The following KIF1B variants were observed in gnomAD, a reference collection of about 807,000 sequenced individuals.
The protein encoded by KIF1B is kinesin-like protein KIF1B.
Under a neutral mutation model 241.9 loss-of-function variants are expected in KIF1B, and 76 were observed. The observed-to-expected ratio is 0.31, with a 90% CI of 0.26 to 0.38. The LOEUF (loss-of-function observed/expected upper bound fraction) is 0.38, where lower values mean the gene tolerates loss of function less well. KIF1B is among the 10% of genes least tolerant of loss of function. The pLI is 1.00. For missense variants in KIF1B, 1,622 were observed against 2,271.4 expected (o/e 0.71, Z 5.81); for synonymous variants, 750 against 796.7 (o/e 0.94, Z 0.99).
At position 10,307,320 on chromosome 1, in the gene KIF1B, T is replaced by C. The variant is rs544161583; in HGVS notation, c.2115+10074T>C. 4 of 1,006,978 alleles carry C rather than the reference T, an allele frequency of 4.0e-6. No homozygotes were observed. The East Asian group carries it at 2.1e-4, about 52-fold the overall frequency. The allele number at this position is 1,006,978 out of a possible 1,614,324, so 62.4% of individuals were successfully genotyped here. A position where few individuals can be genotyped will look rare whatever the true frequency, so the allele number is the denominator to read the frequency against. ...ATTACTTTGTTTTTTGTTTTTGTTA[T>C]TGTTGTTTTGTGATAGTCTTGCTCT... On this transcript the variant is annotated intron_variant, in intron 22 of 48. Coordinates refer to ENST00000676179, the MANE Select transcript of KIF1B (RefSeq NM_001365951.3).
At position 10,361,696 on chromosome 1, in the gene KIF1B, A is replaced by C; in HGVS notation, c.4175A>C (p.Asp1392Ala). ...YMTLSAYLEL[D>A]HCIQPAVITK... is the part of the protein sequence containing the mutation. ...ACCTACCCTGTCTGCTTTCAGCTGG[A>C]TCATTGCATCCAGCCGGCTGTCATC... The change falls in exon 40 of 49, where the codon GAT (aspartate) becomes GCT (alanine). Residue 1392 changes from aspartate to alanine, a missense_variant. This residue lies in a region of KIF1B where 803 missense variants were observed against 1,112.0 expected (regional missense o/e 0.72). Coordinates refer to ENST00000676179, the MANE Select transcript of KIF1B (RefSeq NM_001365951.3). 6.2e-7 allele frequency: 1 copy of C among 1,613,864 alleles called. No homozygotes were observed. Among genetic ancestry groups the C allele is most frequent in the Non-Finnish European group, 8.5e-7 (1 of 1,180,026 alleles).
In KIF1B at chr1:10,337,994, A is replaced by G. The variant is rs569205180; in HGVS notation, c.3422+461A>G. Among the ~76,000 whole-genome samples the G allele has an allele frequency of 6.6e-6, 1 of 152,360 alleles. No homozygotes were observed. Among genetic ancestry groups the G allele is most frequent in the African/African-American group, 2.4e-5 (1 of 41,588 alleles). On this transcript the variant is annotated intron_variant, in intron 31 of 48. Coordinates refer to ENST00000676179, the MANE Select transcript of KIF1B (RefSeq NM_001365951.3). This position sits in a 1 kb window ranked among gnomAD's most constrained non-coding sequence, Gnocchi z 4.0. ...ACTGAAAAAAGCTAGTATGTAGGGA[A>G]GATGTGATACCTCTCATTTCTCATC... is the stretch of plus-strand genomic sequence containing the variant.
chr1:10,213,757 A>G lies in KIF1B; in HGVS notation c.-80+2879A>G, dbSNP rs113050274. Among the ~76,000 whole-genome samples the G allele has an allele frequency of 5.7e-3, 862 of 152,320 alleles. 11 individuals are homozygous for G. Among genetic ancestry groups the G allele is most frequent in the African/African-American group, 0.019 (802 of 41,562 alleles). ...ATTCTGTGAAACAGTGTGAATAAATATGCATACTTCTTGAACTTTTTTTGT... is the reference window on the plus strand; with the variant it reads ...ATTCTGTGAAACAGTGTGAATAAATGTGCATACTTCTTGAACTTTTTTTGT... On this transcript the variant is annotated intron_variant, in intron 1 of 48. Coordinates refer to ENST00000676179, the MANE Select transcript of KIF1B (RefSeq NM_001365951.3).
rs1639010314 is a variant in KIF1B at position 10,381,073 on chromosome 1, G to A, written c.*4486G>A. 4.5e-6 allele frequency: 1 copy of A among 223,250 alleles called. No individual in the cohort carries two copies. The highest frequency in any genetic ancestry group is 2.2e-5 in the African/African-American group (1 of 44,754). The allele number at this position is 223,250 out of a possible 1,614,324, so 13.8% of individuals were successfully genotyped here. A position where few individuals can be genotyped will look rare whatever the true frequency, so the allele number is the denominator to read the frequency against. On this transcript the variant is annotated 3_prime_UTR_variant, in exon 49 of 49. Coordinates refer to ENST00000676179, the MANE Select transcript of KIF1B (RefSeq NM_001365951.3). The stretch of plus-strand genomic sequence containing the variant: ...CAGATGGAAAGTCTGAGCTGAGGTT[G>A]GTCTCTTGCCAAACCGTGGCTGTTG...
rs1314929841 is a variant in KIF1B, at chr1:10,303,622, A to G, written c.2115+6376A>G. 1.9e-6 allele frequency: 3 copies of G among 1,614,134 alleles called. No homozygotes were observed. The highest frequency in any genetic ancestry group is 2.5e-6 in the Non-Finnish European group (3 of 1,180,062). ...AGACGTCATGGCCACTGGGAAAGGC[A>G]GCACTGATGTAGATGACCTCAAGGT... is the stretch of plus-strand genomic sequence containing the variant. On this transcript the variant is annotated intron_variant, in intron 22 of 48. Transcript: ENST00000676179. The surrounding 1 kb of genome is among the most constrained non-coding windows in gnomAD (Gnocchi z 5.2).
chr1:10,227,815 A>T (rs1162556191), intron 1 of KIF1B: 2 of 154,498 alleles, frequency 1.3e-5, no homozygotes, highest in Non-Finnish European at 2.9e-5. Context: ...TCTCAAAAAA[A>T]AAAGAGTTGG....
intron 25 of KIF1B, among the ~76,000 whole-genome samples, 192 bp downstream of exon 25, chr1:10,324,254 A>G (rs1168504039): frequency 6.6e-6 from 1 of 152,180 alleles, no homozygotes; most frequent in Non-Finnish European, 1.5e-5. Flanking sequence ...CACTCCTCAC[A>G]CACTCTGACA....
Position 10,326,084 on chromosome 1 carries a change from T to A in KIF1B, c.2676-27T>A, listed in dbSNP as rs1557715518. ...AACTATTCCTCTCTCCCTGGCTGTG[T>A]TAATTGGCGTCTTACCTGGTGTCTA... On this transcript the variant is annotated intron_variant, in intron 26 of 48. Coordinates refer to ENST00000676179, the MANE Select transcript of KIF1B (RefSeq NM_001365951.3). This position sits in a 1 kb window ranked among gnomAD's most constrained non-coding sequence, Gnocchi z 5.2. The A allele has an allele frequency of 1.2e-6, 2 of 1,613,594 alleles. No individual in the cohort carries two copies. Among genetic ancestry groups the A allele is most frequent in the Non-Finnish European group, 1.7e-6 (2 of 1,180,018 alleles).
At chr1:10,329,440 A>G (rs891943373) in intron 27 of KIF1B, among the ~76,000 whole-genome samples, 3 of 152,130 alleles carry the variant, frequency 2.0e-5, no homozygotes, top group African/African-American at 7.2e-5. Context: ...CACTTGTAAA[A>G]TTTTTAGTTT....
chr1:10,249,035 C>T (rs1234225703), intron 2 of KIF1B, among the ~76,000 whole-genome samples: 1 of 152,140 alleles, frequency 6.6e-6, no homozygotes, highest in African/African-American at 2.4e-5. Context: ...TGACACTAGT[C>T]CTCAAAAATA....
In KIF1B at chr1:10,334,539, A is replaced by C; in HGVS notation, c.2944A>C (p.Asn982His). Reference sequence around the variant, plus strand: ...CTTTAGGGCATTTGTTTACCTGAGCAATCTGCTGTATCCCGTGCCCCTGAT... The same window carrying C: ...CTTTAGGGCATTTGTTTACCTGAGCCATCTGCTGTATCCCGTGCCCCTGAT... ...LVGRAFVYLS[N>H]LLYPVPLIHR... The change falls in exon 28 of 49, where the codon AAT becomes CAT. Residue 982 changes from asparagine (N) to histidine (H), a missense_variant. Asn to His is a moderately conservative substitution (Grantham distance 68, BLOSUM62 1). Transcript: ENST00000676179. The C allele has an allele frequency of 6.2e-7, 1 of 1,613,860 alleles. No homozygotes were observed. Among genetic ancestry groups the C allele is most frequent in the Non-Finnish European group, 8.5e-7 (1 of 1,179,766 alleles).
chr1:10,361,742 C>G lies in KIF1B; in HGVS notation c.4221C>G (p.Val1407=). Residue 1407 remains valine (V), a synonymous_variant, in exon 40 of 49, where the codon GTC becomes GTG. Transcript: ENST00000676179. ...TCATCACCAAGGATGTGTGCATGGT[C>G]TTCTACTCCCGAGATGCCAAGATCT... ...PAVITKDVCM[V]FYSRDAKISP... is the part of the protein sequence containing the mutation. The G allele has an allele frequency of 6.2e-7, 1 of 1,614,042 alleles. No homozygotes were observed. The highest frequency in any genetic ancestry group is 8.5e-7 in the Non-Finnish European group (1 of 1,179,984).
chr1:10,211,925 A>G (rs902005770), intron 1 of KIF1B, among the ~76,000 whole-genome samples: 2 of 152,166 alleles, frequency 1.3e-5, no homozygotes, highest in African/African-American at 4.8e-5. Context: ...CATTGGATGG[A>G]TAGATTTTCA....
At chr1:10,333,540 A>C (rs1652039345) in intron 27 of KIF1B, among the ~76,000 whole-genome samples, 1 of 151,722 alleles carries the variant, frequency 6.6e-6, no homozygotes. Flanking sequence ...AAATACAAAA[A>C]AATTAGCTGG....
intron 1 of KIF1B, among the ~76,000 whole-genome samples, chr1:10,228,221 AC>A (rs1454012372): frequency 6.6e-6 from 1 of 152,202 alleles, no homozygotes; most frequent in Non-Finnish European, 1.5e-5. Flanking sequence ...AAAAGAACTT[AC>A]TTTCATTGAC....
Position 10,326,404 on chromosome 1 carries a change from G to C in KIF1B, c.2924+45G>C. ...GAAAGGCGAAAAGGGACCAGCTCTT[G>C]CTCTGAAGGCCTCCCTGCTTGCACA... is the stretch of plus-strand genomic sequence containing the variant. On this transcript the variant is annotated intron_variant, in intron 27 of 48. Transcript: ENST00000676179. The surrounding 1 kb of genome is among the most constrained non-coding windows in gnomAD (Gnocchi z 5.2). 1 of 1,612,702 alleles carries C rather than the reference G, an allele frequency of 6.2e-7. No homozygotes were observed. Among genetic ancestry groups the C allele is most frequent in the Non-Finnish European group, 8.5e-7 (1 of 1,179,754 alleles).
At position 10,342,176 on chromosome 1, in the gene KIF1B, C is replaced by T. The variant is rs966317106; in HGVS notation, c.3632+8C>T. On this transcript the variant is annotated splice_region_variant and intron_variant, in intron 33 of 48. Coordinates refer to ENST00000676179, the MANE Select transcript of KIF1B (RefSeq NM_001365951.3). ...AGGACAGGAGCTTAACAGGTTTGGA[C>T]CAGATAAGCAAACATTTTTGATGGT... 6 of 1,519,224 alleles carry T rather than the reference C, an allele frequency of 3.9e-6. 1 individual carries two copies. In the Middle Eastern group the frequency reaches 5.1e-4, roughly 129 times the overall value. The allele number at this position is 1,519,224 out of a possible 1,614,324, so 94.1% of individuals were successfully genotyped here.
intron 5 of KIF1B, among the ~76,000 whole-genome samples, chr1:10,264,687 A>T (rs1648348101): frequency 6.6e-6 from 1 of 151,942 alleles, no homozygotes; most frequent in Admixed American, 6.6e-5. Flanking sequence ...TTGGAGACAG[A>T]GTCTCACTCT....
intron 1 of KIF1B, among the ~76,000 whole-genome samples, chr1:10,230,086 G>T (rs1646961312): frequency 6.6e-6 from 1 of 151,916 alleles, no homozygotes; most frequent in African/African-American, 2.4e-5. Flanking sequence ...GAGGTGGGAG[G>T]ATCACTTGAG....
Sources: gnomAD v4.1 joint callset for allele counts (sites outside exome capture counted in the v4.1 genomes callset) on GRCh38, gnomAD v4.1.1 for gene constraint, gnomAD v4.1.1 regional missense constraint, Gnocchi (gnomAD v3.1) non-coding constraint, MANE v1.5 for transcripts, NCBI Gene and HGNC (gene_info 2026-07-23, HGNC 2026-07-21) for gene names.